Variants in RORA observed in about 807,000 individuals in gnomAD.
RORA encodes the protein nuclear receptor ROR-alpha.
RORA carries 7 observed loss-of-function variants against 69.5 expected under a neutral mutation model. The observed-to-expected ratio is 0.10, with a 90% CI of 0.06 to 0.19. The LOEUF is 0.19. Ranked by LOEUF, RORA falls within the 10% of genes least tolerant of loss-of-function variation. RORA has a pLI of 1.00. For synonymous variants in RORA, 261 were observed against 240.8 expected (o/e 1.08, Z -0.78); for missense variants, 457 against 663.0 (o/e 0.69, Z 3.41).
intron 1 of RORA, among the ~76,000 whole-genome samples, chr15:60,739,708 C>T (rs1008401114): frequency 1.1e-4 from 17 of 152,188 alleles, no homozygotes; most frequent in Non-Finnish European, 2.2e-4. Flanking sequence ...CGGGGACCTC[C>T]CAGTCTCTGA....
At chr15:60,971,351 T>C (rs1893706740) in intron 1 of RORA, among the ~76,000 whole-genome samples, 1 of 152,214 alleles carries the variant, frequency 6.6e-6, no homozygotes, top group Non-Finnish European at 1.5e-5. Flanking sequence ...TCCTCTCTCA[T>C]GGGTCCTTGC....
intron 1 of RORA, among the ~76,000 whole-genome samples, chr15:60,921,856 C>G (rs1048123025): frequency 6.6e-6 from 1 of 152,126 alleles, no homozygotes; most frequent in African/African-American, 2.4e-5. Flanking sequence ...TAGCACTGAA[C>G]CTCACACATG....
At chr15:60,884,727 C>T (rs1490333632) in intron 1 of RORA, among the ~76,000 whole-genome samples, 1 of 152,210 alleles carries the variant, frequency 6.6e-6, no homozygotes, top group South Asian at 2.1e-4. Flanking sequence ...CCCATTCTCT[C>T]TTGCCTTCTT....
chr15:60,614,060 T>TA (rs374764276), intron 2 of RORA, among the ~76,000 whole-genome samples: 1 of 152,082 alleles, frequency 6.6e-6, no homozygotes, highest in Non-Finnish European at 1.5e-5. Flanking sequence ...GGTAGGTTAG[T>TA]AAAAAAATGG....
At chr15:61,096,766 T>A (rs898859310) in intron 1 of RORA, among the ~76,000 whole-genome samples, 6 of 152,148 alleles carry the variant, frequency 3.9e-5, no homozygotes, top group African/African-American at 1.4e-4. Context: ...TCCTGTCCCA[T>A]CCCAAAAGGA....
intron 1 of RORA, among the ~76,000 whole-genome samples, chr15:60,893,905 T>C (rs1268661177): frequency 6.6e-6 from 1 of 152,206 alleles, no homozygotes; most frequent in Non-Finnish European, 1.5e-5. Context: ...AACTTGGCGA[T>C]GAGAAAAGGA....
intron 2 of RORA, among the ~76,000 whole-genome samples, chr15:60,585,830 A>C (rs1452884023): frequency 1.3e-5 from 2 of 150,520 alleles, no homozygotes; most frequent in Admixed American, 1.3e-4. Flanking sequence ...ATAACCATGA[A>C]GAACAACGAG....
chr15:60,830,959 A>C (rs1456446565), intron 1 of RORA, among the ~76,000 whole-genome samples: 1 of 152,134 alleles, frequency 6.6e-6, no homozygotes, highest in Non-Finnish European at 1.5e-5. Flanking sequence ...GTGTGTGTGT[A>C]TGTGTGTGGA....
intron 1 of RORA, among the ~76,000 whole-genome samples, chr15:60,727,829 G>C (rs1166777818): frequency 1.3e-5 from 2 of 152,202 alleles, no homozygotes; most frequent in Non-Finnish European, 2.9e-5. Context: ...TGCCTGCCAA[G>C]TGAAACTCTA....
chr15:60,527,712 T>TA (rs2066405862), intron 3 of RORA, among the ~76,000 whole-genome samples: 1 of 152,230 alleles, frequency 6.6e-6, no homozygotes. Flanking sequence ...ACAAGTAAAA[T>TA]ACGTTTATAA....
At chr15:60,828,934 A>G (rs754683788) in intron 1 of RORA, among the ~76,000 whole-genome samples, 1 of 152,206 alleles carries the variant, frequency 6.6e-6, no homozygotes, top group Non-Finnish European at 1.5e-5. Context: ...AGAGTTGCTC[A>G]TTTACTTAGA....
intron 2 of RORA, among the ~76,000 whole-genome samples, chr15:60,583,699 T>C (rs1437339302): frequency 6.6e-6 from 1 of 152,208 alleles, no homozygotes; most frequent in Admixed American, 6.5e-5. Context: ...TGCTGGTTGA[T>C]AGCAAGGCCA....
chr15:60,906,235 T>A (rs1891536571), intron 1 of RORA, among the ~76,000 whole-genome samples: 1 of 152,218 alleles, frequency 6.6e-6, no homozygotes, highest in Non-Finnish European at 1.5e-5. Flanking sequence ...CAATAGCAAC[T>A]GTACCGACAA....
At chr15:60,947,981 T>A (rs1188660684) in intron 1 of RORA, among the ~76,000 whole-genome samples, 1 of 152,130 alleles carries the variant, frequency 6.6e-6, no homozygotes, top group Non-Finnish European at 1.5e-5. Flanking sequence ...TGGGCATCTA[T>A]AGGGGTGGAT....
In RORA at chr15:61,131,926, T is replaced by C. The variant is rs1221452811; in HGVS notation, c.166+97127A>G. ...GGAAAAAACAGCACTGAATTGGAAC[T>C]GGGGGTAGATGCTGTAACCCTGATT... On this transcript the variant is annotated intron_variant, in intron 1 of 10. Coordinates refer to ENST00000335670, the MANE Select transcript of RORA (RefSeq NM_134261.3). This position sits in a 1 kb window ranked among gnomAD's most constrained non-coding sequence, Gnocchi z 4.2. Among the ~76,000 whole-genome samples the C allele has an allele frequency of 6.6e-6, 1 of 152,230 alleles. No individual in the cohort carries two copies. Among genetic ancestry groups the C allele is most frequent in the African/African-American group, 2.4e-5 (1 of 41,464 alleles).
intron 1 of RORA, among the ~76,000 whole-genome samples, chr15:60,991,945 ATGG>A: frequency 7.3e-6 from 1 of 136,246 alleles, no homozygotes; most frequent in African/African-American, 2.9e-5. Context: ...GTAAAATAAA[ATGG>A]TAAAAAGTTA....
At chr15:60,685,908 A>G (rs140763521) in intron 1 of RORA, among the ~76,000 whole-genome samples, 1 of 152,134 alleles carries the variant, frequency 6.6e-6, no homozygotes, top group Non-Finnish European at 1.5e-5. Flanking sequence ...GGTTTCTTTT[A>G]TGTTCGATTT....
chr15:60,863,107 A>G (rs2073450395), intron 1 of RORA, among the ~76,000 whole-genome samples: 1 of 152,204 alleles, frequency 6.6e-6, no homozygotes, highest in Non-Finnish European at 1.5e-5. Flanking sequence ...CTATCCTGTT[A>G]TCAACAAAAA....
At chr15:60,859,084 T>C (rs2073410545) in intron 1 of RORA, among the ~76,000 whole-genome samples, 1 of 152,088 alleles carries the variant, frequency 6.6e-6, no homozygotes, top group Non-Finnish European at 1.5e-5. Context: ...TCTTTTTACC[T>C]AGGTTCTTGC....
Sources: allele counts gnomAD v4.1 joint callset (sites outside exome capture counted in the v4.1 genomes callset), GRCh38; gene constraint gnomAD v4.1.1; non-coding constraint Gnocchi (gnomAD v3.1); transcripts MANE v1.5; gene names NCBI Gene and HGNC (gene_info 2026-07-23, HGNC 2026-07-21).